MTMR2: variants seen among roughly 807,000 people sequenced by gnomAD.
The protein encoded by MTMR2 is myotubularin related protein 2, also known as phosphatidylinositol-3,5-bisphosphate 3-phosphatase MTMR2.
A neutral mutation model predicts 86.9 loss-of-function variants in MTMR2; 55 were observed. That is an observed-to-expected ratio of 0.63 (90% confidence interval 0.51 to 0.79). The LOEUF (loss-of-function observed/expected upper bound fraction) is 0.79. Ranked by LOEUF, MTMR2 falls within the 30% of genes least tolerant of loss-of-function variation. The pLI, the probability that MTMR2 is intolerant of heterozygous loss-of-function variation, is 0.00. For missense variants in MTMR2, 659 were observed against 772.3 expected (o/e 0.85, Z 1.74); for synonymous variants, 241 against 266.8 (o/e 0.90, Z 0.94).
chr11:95,843,746 TA>T (rs142686986), intron 11 of MTMR2, among the ~76,000 whole-genome samples: 422 of 152,186 alleles, frequency 2.8e-3, no homozygotes, highest in Middle Eastern at 6.8e-3. Flanking sequence ...TTTTGGAAAA[TA>T]TTTTTTTTAG....
At chr11:95,886,403 GCCCT>G (rs1865512593) in intron 2 of MTMR2, among the ~76,000 whole-genome samples, 1 of 152,052 alleles carries the variant, frequency 6.6e-6, no homozygotes, top group South Asian at 2.1e-4. Context: ...ATGCACTATG[GCCCT>G]CATTTTGTCC....
chr11:95,885,315 T>TA (rs1311367591), intron 2 of MTMR2, among the ~76,000 whole-genome samples: 1 of 151,804 alleles, frequency 6.6e-6, no homozygotes, highest in East Asian at 1.9e-4. Context: ...TTTTCTTTTG[T>TA]AAAAAAAATA....
chr11:95,870,084 G>A (rs557929991), intron 2 of MTMR2, among the ~76,000 whole-genome samples: 2 of 152,134 alleles, frequency 1.3e-5, no homozygotes, highest in African/African-American at 2.4e-5. Context: ...TTATTTGCAT[G>A]CTGACATATT....
At chr11:95,891,914 G>A (rs1353653347) in intron 1 of MTMR2, among the ~76,000 whole-genome samples, 1 of 152,124 alleles carries the variant, frequency 6.6e-6, no homozygotes, top group African/African-American at 2.4e-5. Flanking sequence ...GAGAGAGCAA[G>A]TAAGCATGCA....
At chr11:95,891,449 C>CAA (rs35505103) in intron 1 of MTMR2, among the ~76,000 whole-genome samples, 130 of 137,528 alleles carry the variant, frequency 9.5e-4, no homozygotes, top group African/African-American at 1.4e-3. Flanking sequence ...AGACTCTCAC[C>CAA]AAAAAAAAAA....
chr11:95,856,473 C>T (rs1864219583), intron 7 of MTMR2, among the ~76,000 whole-genome samples: 1 of 151,346 alleles, frequency 6.6e-6, no homozygotes. Flanking sequence ...ACTACAGCTT[C>T]TAACTACAAA....
intron 1 of MTMR2, among the ~76,000 whole-genome samples, chr11:95,922,993 T>C (rs1318707522): frequency 6.6e-6 from 1 of 152,214 alleles, no homozygotes; most frequent in Non-Finnish European, 1.5e-5. Context: ...TCATCGTGGC[T>C]GCATAAAAAG....
chr11:95,924,007 G>A lies in MTMR2; in HGVS notation c.-53C>T. On this transcript the variant is annotated 5_prime_UTR_variant, in exon 1 of 15. Transcript: ENST00000346299. Reference sequence around the variant, plus strand: ...GCTGAAGCAGTCTTCGCGGCTACAGGGCGGGAGAAGCGGAGGGCGGAGTGC... The same window carrying A: ...GCTGAAGCAGTCTTCGCGGCTACAGAGCGGGAGAAGCGGAGGGCGGAGTGC... The A allele has an allele frequency of 3.9e-6, 6 of 1,547,374 alleles. No individual in the cohort carries two copies. The highest frequency in any genetic ancestry group is 1.4e-5 in the African/African-American group (1 of 73,136).
chr11:95,836,235 A>T lies in MTMR2; in HGVS notation c.1683T>A (p.Asn561Lys). ...TGCTGGCTACTGGATAAAGGACATG[A>T]TTGGAATAGCTCCCATAGAGAGGAT... ...FTNPLYGSYS[N>K]HVLYPVASMR... The change falls in exon 14 of 15, where the codon AAT (asparagine) becomes AAA (lysine). Residue 561 changes from asparagine to lysine, a missense_variant. This residue lies in a region of MTMR2 where 193 missense variants were observed against 191.6 expected (regional missense o/e 1.01). Coordinates refer to ENST00000346299, the MANE Select transcript of MTMR2 (RefSeq NM_016156.6). The T allele has an allele frequency of 6.2e-7, 1 of 1,613,004 alleles. No individual in the cohort carries two copies. The highest frequency in any genetic ancestry group is 1.1e-5 in the South Asian group (1 of 91,044).
At chr11:95,849,631 G>C in intron 9 of MTMR2, 43 bp downstream of exon 9, 1 of 1,567,680 alleles carries the variant, frequency 6.4e-7, no homozygotes, top group Non-Finnish European at 8.8e-7. Flanking sequence ...AAACTCAGCT[G>C]ATTCATGAAA....
chr11:95,913,626 C>T (rs1474534388), intron 1 of MTMR2, among the ~76,000 whole-genome samples: 1 of 152,094 alleles, frequency 6.6e-6, no homozygotes, highest in African/African-American at 2.4e-5. Flanking sequence ...TCTCTAATCC[C>T]TCTAAGAGTG....
At position 95,835,174 on chromosome 11, in the gene MTMR2, TAA is replaced by T. The variant is rs1308232907; in HGVS notation, c.*114_*115del. On this transcript the variant is annotated 3_prime_UTR_variant, in exon 15 of 15. Transcript: ENST00000346299. ...TCATCCTAGAGAGATTTAAAATAAATAAAGTGACTGAACTTTCTCTCATAGAT... is the reference window on the plus strand; with the variant it reads ...TCATCCTAGAGAGATTTAAAATAAATAGTGACTGAACTTTCTCTCATAGAT... The T allele has an allele frequency of 2.7e-6, 3 of 1,112,132 alleles. No homozygotes were observed. The highest frequency in any genetic ancestry group is 5.1e-5 in the East Asian group (2 of 39,152). The allele number at this position is 1,112,132 out of a possible 1,614,324, so 68.9% of individuals were successfully genotyped here. A position where few individuals can be genotyped will look rare whatever the true frequency, so the allele number is the denominator to read the frequency against.
chr11:95,873,351 G>A (rs1254690), intron 2 of MTMR2, among the ~76,000 whole-genome samples: 1,974 of 152,178 alleles, frequency 0.013, 42 homozygotes, highest in African/African-American at 0.046. Context: ...TGTATGTGTC[G>A]AGGAATTTAT....
At chr11:95,871,148 T>C (rs906137336) in intron 2 of MTMR2, among the ~76,000 whole-genome samples, 4 of 152,228 alleles carry the variant, frequency 2.6e-5, no homozygotes, top group African/African-American at 9.6e-5. Flanking sequence ...GTTGGACATT[T>C]GGGTTGGTTC....
chr11:95,872,431 T>G (rs1024449739), intron 2 of MTMR2, among the ~76,000 whole-genome samples: 1 of 152,222 alleles, frequency 6.6e-6, no homozygotes, highest in African/African-American at 2.4e-5. Context: ...TATTGGTGTA[T>G]AAGAATGCTT....
At chr11:95,891,667 G>C (rs1865718779) in intron 1 of MTMR2, among the ~76,000 whole-genome samples, 1 of 152,274 alleles carries the variant, frequency 6.6e-6, no homozygotes, top group East Asian at 1.9e-4. Flanking sequence ...TAGATATTAT[G>C]ATCCACAGTG....
In MTMR2 at chr11:95,862,512, C is replaced by G. The variant is rs563934552; in HGVS notation, c.263-146G>C. 13 of 702,594 alleles carry G rather than the reference C, an allele frequency of 1.9e-5. No individual in the cohort carries two copies. In the East Asian group the frequency reaches 3.2e-4, roughly 18 times the overall value. The allele number at this position is 702,594 out of a possible 1,614,324, so 43.5% of individuals were successfully genotyped here. The stretch of plus-strand genomic sequence containing the variant: ...AATTTCCAGAGACCTCAGAATCCTA[C>G]AACCCAAGCTTCCATCCTTGCACTA... On this transcript the variant is annotated intron_variant, in intron 3 of 14. Transcript: ENST00000346299.
intron 2 of MTMR2, among the ~76,000 whole-genome samples, chr11:95,875,069 G>A (rs1478168046): frequency 3.3e-5 from 5 of 152,026 alleles, no homozygotes; most frequent in East Asian, 1.9e-4. Context: ...TGACAATTAC[G>A]TGTCTTGGAG....
intron 4 of MTMR2, 46 bp downstream of exon 4, chr11:95,862,226 C>A: frequency 6.7e-7 from 1 of 1,491,930 alleles, no homozygotes; most frequent in Non-Finnish European, 9.1e-7. Context: ...AAACTAGCTA[C>A]AAACAACACA....
Sources: allele counts gnomAD v4.1 joint callset (sites outside exome capture counted in the v4.1 genomes callset), GRCh38; gene constraint gnomAD v4.1.1; regional missense constraint gnomAD v4.1.1; transcripts MANE v1.5; gene names NCBI Gene and HGNC (gene_info 2026-07-23, HGNC 2026-07-21).